PP2D1: variants seen among roughly 807,000 people sequenced by gnomAD.
PP2D1 encodes protein phosphatase 2C-like domain-containing protein 1.
Under a neutral mutation model 30.2 loss-of-function variants are expected in PP2D1, and 25 were observed. The ratio of observed to expected loss-of-function variants is 0.83; its 90% confidence interval spans 0.60 to 1.16. The LOEUF is 1.16. Among genes scored for constraint, PP2D1 ranks in the 50% most tolerant of loss-of-function variants. PP2D1 has a pLI of 0.00. For synonymous variants in PP2D1, 260 were observed against 258.9 expected (o/e 1.00, Z -0.04); for missense variants, 760 against 742.4 (o/e 1.02, Z -0.28).
Position 19,985,775 on chromosome 3 carries a change from T to A in PP2D1, c.1498A>T (p.Ser500Cys). Residue 500 changes from serine to cysteine, a missense_variant, in exon 3 of 3, where the codon AGT becomes TGT. Around this residue, in one of 3 missense-constraint regions of PP2D1, gnomAD observed 369 missense variants for 316.2 expected, o/e 1.17. Transcript: ENST00000389050. ...TGTGATTTAGTAAGGTTTGGTTCAC[T>A]GGTTGAAAAAAGCAGAGGCCCTTTG... ...PSKGPLLFST[S>C]EPNLTKSQSN... The A allele has an allele frequency of 6.5e-7, 1 of 1,536,102 alleles. No homozygotes were observed. Among genetic ancestry groups the A allele is most frequent in the Non-Finnish European group, 8.7e-7 (1 of 1,146,872 alleles).
downstream of PP2D1, among the ~76,000 whole-genome samples, chr3:19,981,789 G>A (rs142095095): frequency 1.7e-3 from 264 of 152,160 alleles, 2 homozygotes; most frequent in African/African-American, 5.9e-3. Context: ...AGGTAAAGCC[G>A]TAACTGCTGG....
chr3:19,990,004 CTTTTT>C (rs995532054), intron 2 of PP2D1, among the ~76,000 whole-genome samples: 1 of 148,566 alleles, frequency 6.7e-6, no homozygotes, highest in South Asian at 2.1e-4. Context: ...CACTATTTGC[CTTTTT>C]TTTTTCCTGT....
At chr3:19,989,297 A>G (rs1697085238) in intron 2 of PP2D1, among the ~76,000 whole-genome samples, 1 of 152,222 alleles carries the variant, frequency 6.6e-6, no homozygotes, top group Non-Finnish European at 1.5e-5. Flanking sequence ...GCATCACTGC[A>G]CTTCAGTCTG....
At chr3:19,983,070 C>A (rs1431167604), downstream of PP2D1, among the ~76,000 whole-genome samples, 1 of 152,160 alleles carries the variant, frequency 6.6e-6, no homozygotes, top group Non-Finnish European at 1.5e-5. Flanking sequence ...GGTGCCATGG[C>A]TCACGCCTAT....
At chr3:19,988,122 C>G (rs538816411) in intron 2 of PP2D1, among the ~76,000 whole-genome samples, 3 of 152,170 alleles carry the variant, frequency 2.0e-5, no homozygotes, top group African/African-American at 7.2e-5. Flanking sequence ...AATCTGGACA[C>G]CTTGAAAAAA....
Position 19,985,402 on chromosome 3 carries a change from C to G in PP2D1, c.1871G>C (p.Ser624Thr). 1 of 1,531,874 alleles carries G rather than the reference C, an allele frequency of 6.5e-7. No homozygotes were observed. The highest frequency in any genetic ancestry group is 8.7e-7 in the Non-Finnish European group (1 of 1,144,568). The allele number at this position is 1,531,874 out of a possible 1,614,324, so 94.9% of individuals were successfully genotyped here. Residue 624 changes from serine to threonine, a missense_variant, in exon 3 of 3, where the codon AGT becomes ACT. This residue lies in a region of PP2D1 where 369 missense variants were observed against 316.2 expected (regional missense o/e 1.17). Coordinates refer to ENST00000389050, the MANE Select transcript of PP2D1 (RefSeq NM_001252657.2). ...ITVMVIFLNG[S>T]EYQLLT ...TTTTTATGTCAGAAGCTGATATTCA[C>G]TTCCATTGAGAAATATTACCATAAC...
chr3:20,002,355 C>G (rs1395481716), intron 1 of PP2D1, among the ~76,000 whole-genome samples: 1 of 152,138 alleles, frequency 6.6e-6, no homozygotes, highest in Non-Finnish European at 1.5e-5. Flanking sequence ...TAAATCAGCA[C>G]AGTATTTTAC....
chr3:20,003,650 G>A (rs909396632), intron 1 of PP2D1, among the ~76,000 whole-genome samples: 5 of 151,728 alleles, frequency 3.3e-5, no homozygotes, highest in Non-Finnish European at 5.9e-5. Flanking sequence ...AGGCTGAGGC[G>A]GGAGAATTGC....
At chr3:19,997,148 A>G (rs1256966070) in intron 2 of PP2D1, among the ~76,000 whole-genome samples, 1 of 149,662 alleles carries the variant, frequency 6.7e-6, no homozygotes, top group African/African-American at 2.5e-5. Flanking sequence ...AATGCTGGAG[A>G]TGGGTTCTGA....
At chr3:19,993,276 C>T (rs1697139551) in intron 2 of PP2D1, among the ~76,000 whole-genome samples, 1 of 152,120 alleles carries the variant, frequency 6.6e-6, no homozygotes, top group Non-Finnish European at 1.5e-5. Context: ...AGTAATGGGG[C>T]AGTCTGGATC....
chr3:19,993,922 T>A lies in PP2D1; in HGVS notation c.1090+7108A>T, dbSNP rs1697147149. Among the ~76,000 whole-genome samples, 4 of 151,740 alleles carry A rather than the reference T, an allele frequency of 2.6e-5. 1 individual carries two copies. In the South Asian group the frequency reaches 8.3e-4, roughly 32 times the overall value. ...TAATTTTTGTATTTTTTAGTAGAGA[T>A]TGGGTTTCACCATGTTGGCCAGGCT... On this transcript the variant is annotated intron_variant, in intron 2 of 2. Coordinates refer to ENST00000389050, the MANE Select transcript of PP2D1 (RefSeq NM_001252657.2).
At position 19,985,437 on chromosome 3, in the gene PP2D1, G is replaced by A. The variant is rs1559495307; in HGVS notation, c.1836C>T (p.Asp612=). ...VNAALLAGSR[D]NITVMVIFLN... ...GAAATATTACCATAACTGTAATGTT[G>A]TCTCTGGAGCCAGCCAGTAAAGCAG... is the stretch of plus-strand genomic sequence containing the variant. Residue 612 remains aspartate, a synonymous_variant, in exon 3 of 3, where the codon GAC becomes GAT. Coordinates refer to ENST00000389050, the MANE Select transcript of PP2D1 (RefSeq NM_001252657.2). 8 of 1,535,928 alleles carry A rather than the reference G, an allele frequency of 5.2e-6. No individual in the cohort carries two copies. Among genetic ancestry groups the A allele is most frequent in the Non-Finnish European group, 7.0e-6 (8 of 1,146,822 alleles).
At chr3:19,987,772 C>T (rs1423044518) in intron 2 of PP2D1, among the ~76,000 whole-genome samples, 3 of 152,102 alleles carry the variant, frequency 2.0e-5, no homozygotes, top group Non-Finnish European at 4.4e-5. Flanking sequence ...ATTAGTCGGG[C>T]GTTGTTGCGG....
intron 1 of PP2D1, among the ~76,000 whole-genome samples, chr3:20,006,392 G>A (rs918085982): frequency 1.1e-4 from 17 of 152,174 alleles, no homozygotes; most frequent in African/African-American, 3.1e-4. Flanking sequence ...AATATACATC[G>A]TCCCTAGGTA....
In PP2D1 at chr3:19,985,384, G is replaced by T. The variant is rs1356501404; in HGVS notation, c.1889C>A (p.Thr630Lys). The change falls in exon 3 of 3, where the codon ACA (threonine) becomes AAA (lysine). Residue 630 changes from threonine to lysine, a missense_variant. By Grantham distance (78) the Thr-to-Lys change is moderately conservative. Coordinates refer to ENST00000389050, the MANE Select transcript of PP2D1 (RefSeq NM_001252657.2). ...FLNGSEYQLL[T>K] ...GATAATTGGAACTTTATTTTTTTATGTCAGAAGCTGATATTCACTTCCATT... is the reference window on the plus strand; with the variant it reads ...GATAATTGGAACTTTATTTTTTTATTTCAGAAGCTGATATTCACTTCCATT... 16 of 1,520,410 alleles carry T rather than the reference G, an allele frequency of 1.1e-5. No individual in the cohort carries two copies. The highest frequency in any genetic ancestry group is 1.4e-5 in the Non-Finnish European group (16 of 1,138,514). The allele number at this position is 1,520,410 out of a possible 1,614,324, so 94.2% of individuals were successfully genotyped here.
chr3:19,991,606 A>G (rs939624583), intron 2 of PP2D1, among the ~76,000 whole-genome samples: 7 of 152,194 alleles, frequency 4.6e-5, no homozygotes, highest in Non-Finnish European at 1.0e-4. Flanking sequence ...GGAAGGATTT[A>G]GGAGCCTGAC....
At chr3:19,991,342 G>A (rs184300152) in intron 2 of PP2D1, among the ~76,000 whole-genome samples, 34 of 152,278 alleles carry the variant, frequency 2.2e-4, no homozygotes, top group African/African-American at 7.9e-4. Context: ...ATCCCAACCA[G>A]GGACTTCTAG....
intron 2 of PP2D1, among the ~76,000 whole-genome samples, chr3:20,000,632 A>C (rs976928560): frequency 2.6e-5 from 4 of 152,232 alleles, no homozygotes; most frequent in African/African-American, 9.6e-5. Flanking sequence ...GTAACTGACC[A>C]ATTTAAACAA....
exon 4 of PP2D1, chr3:19,980,069 A>C (rs1696893414): frequency 6.6e-6 from 1 of 152,204 alleles, no homozygotes; most frequent in South Asian, 2.1e-4. Context: ...GTTTTCCTGA[A>C]AAACTCAAGT....
Sources: gnomAD v4.1 joint callset for allele counts (sites outside exome capture counted in the v4.1 genomes callset) on GRCh38, gnomAD v4.1.1 for gene constraint, gnomAD v4.1.1 regional missense constraint, MANE v1.5 for transcripts, NCBI Gene and HGNC (gene_info 2026-07-23, HGNC 2026-07-21) for gene names.